Variants in FPGT observed in about 807,000 individuals in gnomAD.
The protein encoded by FPGT is fucose-1-phosphate guanylyltransferase.
A neutral mutation model predicts 45.8 loss-of-function variants in FPGT; 41 were observed. The observed-to-expected ratio is 0.90, with a 90% CI of 0.70 to 1.16. The LOEUF is 1.16. Among genes scored for constraint, FPGT ranks in the 50% most tolerant of loss-of-function variants. The probability of loss-of-function intolerance (pLI) is 0.00; values close to 1 mark genes in which losing one functional copy is unlikely to be tolerated. For synonymous variants in FPGT, 292 were observed against 247.2 expected (o/e 1.18, Z -1.70); for missense variants, 755 against 689.1 (o/e 1.10, Z -1.07).
rs543326072 is a variant in FPGT at position 74,207,145 on chromosome 1, A to G, written c.*1313A>G. ...AATGTTCAAAATTGTAGTTTTACCA[A>G]ATCTGAAGTGCCATCAGTTATAAGA... On this transcript the variant is annotated 3_prime_UTR_variant, in exon 4 of 4. Coordinates refer to ENST00000370898, the MANE Select transcript of FPGT (RefSeq NM_003838.5). 1 of 152,190 alleles carries G rather than the reference A, an allele frequency of 6.6e-6. No homozygotes were observed. The highest frequency in any genetic ancestry group is 2.4e-5 in the African/African-American group (1 of 41,544). 9.4% of individuals were successfully genotyped at this position (152,190 alleles called of 1,614,324 possible). A position where few individuals can be genotyped will look rare whatever the true frequency, so the allele number is the denominator to read the frequency against.
rs771965517 is a variant in FPGT, at chr1:74,204,819, A to G, written c.772A>G (p.Ile258Val). Residue 258 changes from isoleucine to valine, a missense_variant, in exon 4 of 4, where the codon ATT (isoleucine) becomes GTT (valine). Ile to Val is a conservative substitution (Grantham distance 29). Transcript: ENST00000370898. ...TCAACAGGACTTTGCTGGGGGTGACATTGCCGATCTTAAATTAGACTCTGA... is the reference window on the plus strand; with the variant it reads ...TCAACAGGACTTTGCTGGGGGTGACGTTGCCGATCTTAAATTAGACTCTGA... ...FCQQDFAGGD[I>V]ADLKLDSDYV... 8 of 1,613,658 alleles carry G rather than the reference A, an allele frequency of 5.0e-6. No individual in the cohort carries two copies. Among genetic ancestry groups the G allele is most frequent in the Non-Finnish European group, 6.8e-6 (8 of 1,179,992 alleles).
At chr1:74,201,272 T>C in intron 2 of FPGT, 46 bp from the exon 3 acceptor site, 1 of 1,505,234 alleles carries the variant, frequency 6.6e-7, no homozygotes, top group Non-Finnish European at 9.2e-7. Flanking sequence ...AAAGTTTTAG[T>C]AGGTTTCTAT....
At position 74,205,336 on chromosome 1, in the gene FPGT, T is replaced by C. The variant is rs750349015; in HGVS notation, c.1289T>C (p.Val430Ala). The C allele has an allele frequency of 5.0e-6, 8 of 1,614,030 alleles. No homozygotes were observed. In the African/African-American group the frequency reaches 8.0e-5, roughly 16 times the overall value. Residue 430 changes from valine (V) to alanine (A), a missense_variant, in exon 4 of 4, where the codon GTT (valine) becomes GCT (alanine). Transcript: ENST00000370898. ...EYSRLGPDVS[V>A]GENCIISGSY... is the part of the protein sequence containing the mutation. ...TCCAGATTGGGGCCTGATGTTTCAG[T>C]TGGGGAAAACTGCATTATTAGTGGT...
intron 3 of FPGT, among the ~76,000 whole-genome samples, chr1:74,201,895 T>A (rs939357298): frequency 6.6e-6 from 1 of 152,182 alleles, no homozygotes. Context: ...TTCCTAACAC[T>A]CTTTCTCCCT....
Position 74,204,755 on chromosome 1 carries a change from G to T in FPGT, c.708G>T (p.Met236Ile). Reference sequence around the variant, plus strand: ...TTCATAAGCCCAGCATAGAAAAGATGTATCAGTTTAATGCTGTGTGTAGAC... The same window carrying T: ...TTCATAAGCCCAGCATAGAAAAGATTTATCAGTTTAATGCTGTGTGTAGAC... ...RFLHKPSIEK[M>I]YQFNAVCRPG... Residue 236 changes from methionine to isoleucine, a missense_variant, in exon 4 of 4, where the codon ATG becomes ATT. Physicochemically the swap from Met to Ile is conservative, Grantham distance 10. Coordinates refer to ENST00000370898, the MANE Select transcript of FPGT (RefSeq NM_003838.5). The T allele has an allele frequency of 6.2e-7, 1 of 1,613,922 alleles. No individual in the cohort carries two copies. The highest frequency in any genetic ancestry group is 8.5e-7 in the Non-Finnish European group (1 of 1,179,942).
At chr1:74,198,404 A>T (rs1447670022) in intron 1 of FPGT, 44 bp downstream of exon 1, 2 of 1,609,364 alleles carry the variant, frequency 1.2e-6, no homozygotes, top group Non-Finnish European at 1.7e-6. Flanking sequence ...ATGCAGAGGG[A>T]GGGTGCTTTT....
In FPGT at chr1:74,205,639, G is replaced by A. The variant is rs1652223444; in HGVS notation, c.1592G>A (p.Cys531Tyr). 4 of 1,612,198 alleles carry A rather than the reference G, an allele frequency of 2.5e-6. No homozygotes were observed. Residue 531 changes from cysteine (C) to tyrosine (Y), a missense_variant, in exon 4 of 4, where the codon TGT (cysteine) becomes TAT (tyrosine). Physicochemically the swap from Cys to Tyr is radical, Grantham distance 194 (BLOSUM62 -2). Coordinates refer to ENST00000370898, the MANE Select transcript of FPGT (RefSeq NM_003838.5). Reference protein sequence around the residue: ...SLWTARIFPVCSSLSDSVITS... With the variant: ...SLWTARIFPVYSSLSDSVITS... ...TGGACTGCACGCATTTTCCCAGTTT[G>A]TTCTTCTTTGAGTGACTCAGTTATA...
rs540824221 is a variant in FPGT, at chr1:74,208,067, T to G, written c.*2235T>G. Among the ~76,000 whole-genome samples the G allele has an allele frequency of 6.6e-6, 1 of 152,012 alleles. No homozygotes were observed. Among genetic ancestry groups the G allele is most frequent in the Non-Finnish European group, 1.5e-5 (1 of 67,940 alleles). On this transcript the variant is annotated 3_prime_UTR_variant, in exon 4 of 4. Transcript: ENST00000370898. The stretch of plus-strand genomic sequence containing the variant: ...ATACGCAGATATGACCAAGTTCACA[T>G]GTGAGCAAGTAACAACTCCATGACT...
rs375035895 is a variant in FPGT, at chr1:74,205,594, A to G, written c.1547A>G (p.Asn516Ser). The change falls in exon 4 of 4, where the codon AAC (asparagine) becomes AGC (serine). Residue 516 changes from asparagine (N) to serine (S), a missense_variant. By Grantham distance (46) the Asn-to-Ser change is conservative. Transcript: ENST00000370898. Reference sequence around the variant, plus strand: ...GTTACAGAGGAACTGTTCTCTGGTAACAAGACATGTCTGAGTTTGTGGACT... The same window carrying G: ...GTTACAGAGGAACTGTTCTCTGGTAGCAAGACATGTCTGAGTTTGTGGACT... The part of the protein sequence containing the change: ...LKVTEELFSG[N>S]KTCLSLWTAR... 3.5e-5 allele frequency: 56 copies of G among 1,613,504 alleles called. No homozygotes were observed. The highest frequency in any genetic ancestry group is 1.6e-4 in the Middle Eastern group (1 of 6,080).
intron 2 of FPGT, 23 bp from the exon 3 acceptor site, chr1:74,201,295 G>A (rs750302363): frequency 6.3e-7 from 1 of 1,589,970 alleles, no homozygotes; most frequent in Non-Finnish European, 8.6e-7. Context: ...AATAAATTGT[G>A]CTTTTTTAAC....
Position 74,201,318 on chromosome 1 carries a change from G to A in FPGT, c.251G>A (p.Gly84Glu), listed in dbSNP as rs1467551809. The change falls in exon 3 of 4, where the codon GGA (glycine) becomes GAA (glutamate). Residue 84 changes from glycine (G) to glutamate (E), a missense_variant and splice_region_variant. Coordinates refer to ENST00000370898, the MANE Select transcript of FPGT (RefSeq NM_003838.5). ...GTGCTTTTTTAACTTTGTTTTTAAG[G>A]AAATGGAGGATCAACACTTTGTGCC... The part of the protein sequence containing the change: ...VFVDPAGAKI[G>E]NGGSTLCALQ... The A allele has an allele frequency of 1.2e-5, 19 of 1,607,124 alleles. No homozygotes were observed. Among genetic ancestry groups the A allele is most frequent in the Non-Finnish European group, 1.4e-5 (17 of 1,177,926 alleles).
chr1:74,203,870 C>T (rs984451922), intron 3 of FPGT, among the ~76,000 whole-genome samples: 11 of 151,672 alleles, frequency 7.3e-5, no homozygotes, highest in Non-Finnish European at 1.0e-4. Flanking sequence ...GGTGAAACTT[C>T]GTCTCTACTA....
intron 3 of FPGT, among the ~76,000 whole-genome samples, chr1:74,201,835 C>T (rs989904614): frequency 2.6e-5 from 4 of 152,164 alleles, no homozygotes; most frequent in African/African-American, 9.7e-5. Flanking sequence ...TTGGTTGCTG[C>T]ACCTGTCAAC....
rs772303621 is a variant in FPGT, at chr1:74,204,570, A to G, written c.523A>G (p.Ile175Val). ...TCADDIELYS[I>V]GEFEFIRFDK... ...TGCAGATGATATTGAACTTTATAGT[A>G]TTGGAGAATTTGAGTTTATTAGGTT... The change falls in exon 4 of 4, where the codon ATT (isoleucine) becomes GTT (valine). Residue 175 changes from isoleucine (I) to valine (V), a missense_variant. Transcript: ENST00000370898. The G allele has an allele frequency of 2.7e-5, 44 of 1,610,872 alleles. No homozygotes were observed. The highest frequency in any genetic ancestry group is 3.6e-5 in the Non-Finnish European group (42 of 1,177,244).
chr1:74,205,425 A>C lies in FPGT; in HGVS notation c.1378A>C (p.Met460Leu). Residue 460 changes from methionine to leucine, a missense_variant, in exon 4 of 4, where the codon ATG becomes CTG. Met to Leu is a conservative substitution (Grantham distance 15). Coordinates refer to ENST00000370898, the MANE Select transcript of FPGT (RefSeq NM_003838.5). ...HSFVCSLSLK[M>L]NRCLKYATMA... ...TTTTGTATGTTCCTTAAGCTTAAAG[A>C]TGAATAGATGCTTAAAGTATGCAAC... The C allele has an allele frequency of 6.2e-7, 1 of 1,613,946 alleles. No homozygotes were observed. Among genetic ancestry groups the C allele is most frequent in the Non-Finnish European group, 8.5e-7 (1 of 1,179,768 alleles).
In FPGT at chr1:74,204,986, T is replaced by G; in HGVS notation, c.939T>G (p.Thr313=). The G allele has an allele frequency of 6.2e-7, 1 of 1,614,108 alleles. No individual in the cohort carries two copies. The highest frequency in any genetic ancestry group is 8.5e-7 in the Non-Finnish European group (1 of 1,180,012). Residue 313 remains threonine (T), a synonymous_variant, in exon 4 of 4, where the codon ACT becomes ACG. Transcript: ENST00000370898. ...DFLQALGPGA[T]VEYTRNTSNV... The stretch of plus-strand genomic sequence containing the variant: ...TGCAGGCTTTGGGACCTGGAGCAAC[T>G]GTGGAGTACACCAGAAACACATCAA...
intron 3 of FPGT, among the ~76,000 whole-genome samples, chr1:74,202,520 T>C (rs532249383): frequency 6.6e-6 from 1 of 152,236 alleles, no homozygotes. Flanking sequence ...TTTATTTTTA[T>C]TTTTTGGAAA....
Position 74,199,674 on chromosome 1 carries a change from A to G in FPGT, c.93A>G (p.Val31=). 1 of 1,611,610 alleles carries G rather than the reference A, an allele frequency of 6.2e-7. No individual in the cohort carries two copies. The highest frequency in any genetic ancestry group is 8.5e-7 in the Non-Finnish European group (1 of 1,179,272). Residue 31 remains valine, a synonymous_variant, in exon 2 of 4, where the codon GTA becomes GTG. Transcript: ENST00000370898. ...RRFSELRGKL[V]ARGEFWDIVA... is the part of the protein sequence containing the mutation. ...GCTTTTTCCAAATAGGCAAACTTGT[A>G]GCACGTGGAGAATTCTGGGACATAG... is the stretch of plus-strand genomic sequence containing the variant.
At chr1:74,202,620 T>C (rs1454355451) in intron 3 of FPGT, among the ~76,000 whole-genome samples, 2 of 152,152 alleles carry the variant, frequency 1.3e-5, no homozygotes, top group East Asian at 3.8e-4. Context: ...TGTTGAACAA[T>C]GTACTGTGTG....
Sources: gnomAD v4.1 joint callset for allele counts (sites outside exome capture counted in the v4.1 genomes callset) on GRCh38, gnomAD v4.1.1 for gene constraint, MANE v1.5 for transcripts, NCBI Gene and HGNC (gene_info 2026-07-23, HGNC 2026-07-21) for gene names.